PCDH15: variants seen among roughly 807,000 people sequenced by gnomAD.
PCDH15 encodes protocadherin-15.
PCDH15 carries 129 observed loss-of-function variants against 178.5 expected under a neutral mutation model. That is an observed-to-expected ratio of 0.72 (90% confidence interval 0.63 to 0.84). The LOEUF is 0.84. Ranked by LOEUF, PCDH15 falls within the 40% of genes least tolerant of loss-of-function variation. The pLI, the probability that PCDH15 is intolerant of heterozygous loss-of-function variation, is 0.00. For synonymous variants in PCDH15, 800 were observed against 732.0 expected, an observed-to-expected ratio of 1.09 and a Z score of -1.50; for missense variants, 2,230 against 2,099.9, an observed-to-expected ratio of 1.06 and a Z score of -1.21.
chr10:55,299,742 C>T (rs1054337350), intron 1 of PCDH15, among the ~76,000 whole-genome samples: 1 of 152,150 alleles, frequency 6.6e-6, no homozygotes, highest in Non-Finnish European at 1.5e-5. Flanking sequence ...TAAAATATGA[C>T]ACTCAAGTCC....
At chr10:54,532,194 CCTTG>C (rs1174928442) in intron 2 of PCDH15, among the ~76,000 whole-genome samples, 7 of 152,170 alleles carry the variant, frequency 4.6e-5, no homozygotes, top group African/African-American at 1.4e-4. Flanking sequence ...ATAATTAAAA[CCTTG>C]CTTATTTTTA....
chr10:55,619,732 G>A (rs954518093), intron 2 of PCDH15, among the ~76,000 whole-genome samples: 1 of 151,872 alleles, frequency 6.6e-6, no homozygotes, highest in East Asian at 1.9e-4. Flanking sequence ...TTTCTAATAT[G>A]TGTTTTTGAT....
At chr10:53,837,954 TATTA>T (rs1224004447) in intron 29 of PCDH15, among the ~76,000 whole-genome samples, 2 of 122,302 alleles carry the variant, frequency 1.6e-5, no homozygotes, top group Non-Finnish European at 3.3e-5. Flanking sequence ...TATAAACATA[TATTA>T]TTTATTTATT....
intron 2 of PCDH15, among the ~76,000 whole-genome samples, chr10:54,629,867 A>G (rs1321161184): frequency 6.6e-6 from 1 of 152,166 alleles, no homozygotes; most frequent in Non-Finnish European, 1.5e-5. Context: ...AAAGGCCCCT[A>G]GAATTGATTA....
intron 2 of PCDH15, among the ~76,000 whole-genome samples, chr10:54,598,932 T>G (rs1406665823): frequency 6.6e-6 from 1 of 151,846 alleles, no homozygotes; most frequent in Non-Finnish European, 1.5e-5. Context: ...GTGAAAGATC[T>G]CTACAATGAG....
chr10:55,005,771 A>C (rs1403006845), intron 2 of PCDH15, among the ~76,000 whole-genome samples: 1 of 152,130 alleles, frequency 6.6e-6, no homozygotes, highest in Non-Finnish European at 1.5e-5. Flanking sequence ...TAACAAAAAA[A>C]ATAAAGATTT....
intron 1 of PCDH15, among the ~76,000 whole-genome samples, chr10:54,707,391 T>C (rs886355242): frequency 6.6e-6 from 1 of 152,194 alleles, no homozygotes; most frequent in African/African-American, 2.4e-5. Context: ...TATTTTGATA[T>C]ATTTTCCATT....
At chr10:54,747,982 T>C (rs918269438) in intron 1 of PCDH15, among the ~76,000 whole-genome samples, 34 of 152,132 alleles carry the variant, frequency 2.2e-4, no homozygotes, top group Non-Finnish European at 1.2e-4. Flanking sequence ...ATTTTTTGTA[T>C]TTTTAGTAGA....
chr10:54,059,454 A>G (rs971339643), intron 18 of PCDH15, among the ~76,000 whole-genome samples: 5 of 152,196 alleles, frequency 3.3e-5, no homozygotes, highest in African/African-American at 4.8e-5. Context: ...AAAGAATTTT[A>G]TATTTTTCCT....
intron 3 of PCDH15, among the ~76,000 whole-genome samples, chr10:54,447,876 A>C (rs540496988): frequency 4.0e-5 from 6 of 151,872 alleles, no homozygotes; most frequent in Admixed American, 6.6e-5. Flanking sequence ...AGACTGTGAA[A>C]ACAAAACCAC....
At chr10:54,568,297 T>A (rs553634374) in intron 2 of PCDH15, among the ~76,000 whole-genome samples, 3 of 151,942 alleles carry the variant, frequency 2.0e-5, no homozygotes, top group Non-Finnish European at 4.4e-5. Flanking sequence ...ATGCACTGCA[T>A]CACTTTCTCC....
At position 55,137,872 on chromosome 10, in the gene PCDH15, TA is replaced by T. The variant is rs371250642; in HGVS notation, c.-80+28703del. 2.1e-3 allele frequency among the ~76,000 whole-genome samples: 320 copies of T among 152,226 alleles called. 1 individual carries two copies. The highest frequency in any genetic ancestry group is 0.02 in the South Asian group (96 of 4,820). ...CTGGTGGAAATTTTGGATTTTACTGTAGGTGATCCAAAGCTACTGGGGGCAG... is the reference window on the plus strand; with the variant it reads ...CTGGTGGAAATTTTGGATTTTACTGTGGTGATCCAAAGCTACTGGGGGCAG... On this transcript the variant is annotated intron_variant, in intron 2 of 5. Coordinates refer to the PCDH15 transcript ENST00000458638.
intron 2 of PCDH15, among the ~76,000 whole-genome samples, chr10:55,383,644 T>A (rs1349332281): frequency 1.3e-5 from 2 of 152,206 alleles, no homozygotes; most frequent in Non-Finnish European, 1.5e-5. Flanking sequence ...TCATTGGCTC[T>A]GAAGTAGTTG....
intron 1 of PCDH15, among the ~76,000 whole-genome samples, chr10:55,312,980 T>C (rs1442199315): frequency 1.3e-5 from 2 of 152,212 alleles, no homozygotes; most frequent in South Asian, 2.1e-4. Flanking sequence ...CACAGAACTA[T>C]AGTCCAACAT....
At chr10:55,193,294 T>C in intron 1 of PCDH15, among the ~76,000 whole-genome samples, 1 of 151,942 alleles carries the variant, frequency 6.6e-6, no homozygotes, top group East Asian at 1.9e-4. Context: ...AATATGAAAC[T>C]GTAACACAAT....
chr10:54,621,851 G>A (rs1049693883), intron 2 of PCDH15, among the ~76,000 whole-genome samples: 6 of 151,984 alleles, frequency 3.9e-5, no homozygotes, highest in Non-Finnish European at 7.4e-5. Context: ...AAATGAAACG[G>A]TATTTGTCAG....
At chr10:54,766,982 ATAATC>A (rs1948596094) in intron 1 of PCDH15, among the ~76,000 whole-genome samples, 1 of 152,046 alleles carries the variant, frequency 6.6e-6, no homozygotes, top group Non-Finnish European at 1.5e-5. Context: ...TGTTCTTAAT[ATAATC>A]TTCCCACTGA....
At chr10:55,196,538 T>A (rs1009292262) in intron 1 of PCDH15, among the ~76,000 whole-genome samples, 1 of 151,970 alleles carries the variant, frequency 6.6e-6, no homozygotes, top group Admixed American at 6.6e-5. Flanking sequence ...CTGGATATAA[T>A]CACAGGTACA....
In PCDH15 at chr10:55,061,989, C is replaced by T. The variant is rs142342205; in HGVS notation, c.-80+104587G>A. ...GAGCCAAGATCGTGCCACTGCACTC[C>T]AGCCTGGCAACAGAGCAAGACTCAT... is the stretch of plus-strand genomic sequence containing the variant. On this transcript the variant is annotated intron_variant, in intron 2 of 5. Coordinates refer to the PCDH15 transcript ENST00000458638. Among the ~76,000 whole-genome samples the T allele has an allele frequency of 5.6e-3, 847 of 152,278 alleles. 4 individuals are homozygous for T. Among genetic ancestry groups the T allele is most frequent in the Non-Finnish European group, 9.5e-3 (645 of 68,018 alleles).
Sources: allele counts gnomAD v4.1 joint callset (sites outside exome capture counted in the v4.1 genomes callset), GRCh38; gene constraint gnomAD v4.1.1; transcripts MANE v1.5; gene names NCBI Gene and HGNC (gene_info 2026-07-23, HGNC 2026-07-21).